Variants in WASF2 observed in about 807,000 individuals in gnomAD.
WASF2 encodes WASP family member 2.
Under a neutral mutation model 45.0 loss-of-function variants are expected in WASF2, and 14 were observed. The ratio of observed to expected loss-of-function variants is 0.31; its 90% confidence interval spans 0.21 to 0.49. The LOEUF (loss-of-function observed/expected upper bound fraction) is 0.49. Ranked by LOEUF, WASF2 falls within the 20% of genes least tolerant of loss-of-function variation. WASF2 has a pLI of 0.99. For synonymous variants in WASF2, 200 were observed against 236.3 expected (o/e 0.85, Z 1.41); for missense variants, 439 against 636.1 (o/e 0.69, Z 3.33).
At position 27,410,294 on chromosome 1, in the gene WASF2, A is replaced by C; in HGVS notation, c.825-88T>G. ...TAGCCTTGTCTACAGACCGAGGTTT[A>C]TCTTGGTTGACTATACCATTTCACT... On this transcript the variant is annotated intron_variant, in intron 7 of 8. Coordinates refer to ENST00000618852, the MANE Select transcript of WASF2 (RefSeq NM_006990.5). This position sits in a 1 kb window ranked among gnomAD's most constrained non-coding sequence, Gnocchi z 4.2. The C allele has an allele frequency of 7.8e-6, 12 of 1,547,830 alleles. No individual in the cohort carries two copies. Among genetic ancestry groups the C allele is most frequent in the Non-Finnish European group, 1.1e-5 (12 of 1,140,636 alleles).
chr1:27,454,058 T>A (rs975554325), intron 1 of WASF2, among the ~76,000 whole-genome samples: 1 of 150,626 alleles, frequency 6.6e-6, no homozygotes, highest in African/African-American at 2.4e-5. Flanking sequence ...TTATATTGTT[T>A]AGTGTCACAT....
At chr1:27,461,387 T>TG (rs1274387753) in intron 1 of WASF2, among the ~76,000 whole-genome samples, 1 of 150,994 alleles carries the variant, frequency 6.6e-6, no homozygotes, top group African/African-American at 2.4e-5. Context: ...TCGCCCAGGC[T>TG]GGAGTGCAGT....
intron 1 of WASF2, among the ~76,000 whole-genome samples, chr1:27,487,506 A>G (rs1241198031): frequency 3.5e-5 from 4 of 114,408 alleles, no homozygotes; most frequent in Admixed American, 1.3e-4. Context: ...ATATTATAAT[A>G]TATGTTATAT....
intron 4 of WASF2, among the ~76,000 whole-genome samples, 186 bp from the exon 5 acceptor site, chr1:27,416,288 C>T (rs886536443): frequency 6.6e-5 from 10 of 152,206 alleles, no homozygotes; most frequent in African/African-American, 2.2e-4. Flanking sequence ...CTCTACTTAT[C>T]AGACTTTTTA....
intron 1 of WASF2, among the ~76,000 whole-genome samples, chr1:27,482,459 T>C (rs1007743310): frequency 2.0e-5 from 3 of 152,230 alleles, no homozygotes; most frequent in Non-Finnish European, 4.4e-5. Context: ...TGGCAAGTTC[T>C]TTATATAAGC....
At chr1:27,470,539 G>A (rs969267237) in intron 1 of WASF2, among the ~76,000 whole-genome samples, 2 of 151,994 alleles carry the variant, frequency 1.3e-5, no homozygotes, top group Non-Finnish European at 2.9e-5. Flanking sequence ...GAATGGTGGG[G>A]CCAATGTTTA....
intron 1 of WASF2, among the ~76,000 whole-genome samples, chr1:27,450,444 T>C (rs2017369197): frequency 6.6e-6 from 1 of 152,122 alleles, no homozygotes; most frequent in African/African-American, 2.4e-5. Flanking sequence ...CTCAATACTT[T>C]TGTCCCACCC....
chr1:27,424,074 G>A (rs1330917276), intron 2 of WASF2, among the ~76,000 whole-genome samples: 3 of 152,206 alleles, frequency 2.0e-5, no homozygotes, highest in Non-Finnish European at 2.9e-5. Flanking sequence ...GAAAAAATAA[G>A]AATTCTGGAT....
intron 1 of WASF2, among the ~76,000 whole-genome samples, chr1:27,475,844 T>C (rs1443808260): frequency 6.6e-6 from 1 of 152,154 alleles, no homozygotes; most frequent in Non-Finnish European, 1.5e-5. Flanking sequence ...CCCAGGCTGG[T>C]CTCAAACTCC....
intron 2 of WASF2, among the ~76,000 whole-genome samples, chr1:27,427,096 C>A (rs895821597): frequency 7.9e-5 from 12 of 152,234 alleles, no homozygotes; most frequent in Non-Finnish European, 1.8e-4. Flanking sequence ...TATTGAGTAT[C>A]CCCTCAGCAG....
At chr1:27,411,509 A>T (rs910271651) in intron 7 of WASF2, among the ~76,000 whole-genome samples, 3 of 152,244 alleles carry the variant, frequency 2.0e-5, no homozygotes, top group Admixed American at 2.0e-4. Flanking sequence ...CAACTGGGCA[A>T]GGTAACTGCT....
At chr1:27,444,054 C>T (rs754152695) in intron 1 of WASF2, among the ~76,000 whole-genome samples, 2 of 152,166 alleles carry the variant, frequency 1.3e-5, no homozygotes, top group Non-Finnish European at 2.9e-5. Context: ...CCTGGGATTA[C>T]AGGCATGAGC....
intron 1 of WASF2, among the ~76,000 whole-genome samples, chr1:27,454,181 ATATATATTTTTTT>A (rs1232684249): frequency 0.033 from 317 of 9,720 alleles, 1 homozygote; most frequent in African/African-American, 0.068. Context: ...ATATATATAT[ATATATATTTTTTT>A]TTTTTTTTTT....
chr1:27,488,794 G>GACTT (rs1170328371), intron 1 of WASF2, among the ~76,000 whole-genome samples: 4 of 152,286 alleles, frequency 2.6e-5, no homozygotes, highest in Admixed American at 2.6e-4. Flanking sequence ...AGTGGGCAGT[G>GACTT]ACTTCCCCCT....
intron 2 of WASF2, among the ~76,000 whole-genome samples, chr1:27,423,958 AT>A (rs1313945223): frequency 1.3e-5 from 2 of 151,940 alleles, no homozygotes; most frequent in Non-Finnish European, 2.9e-5. Context: ...TGGGGGTTCC[AT>A]TCTCCCGAGT....
At position 27,408,237 on chromosome 1, in the gene WASF2, G is replaced by C; in HGVS notation, c.1449C>G (p.Asp483Glu). The change falls in exon 9 of 9, where the codon GAC becomes GAG. Residue 483 changes from aspartate to glutamate, a missense_variant. By Grantham distance (45) the Asp-to-Glu change is conservative. Transcript: ENST00000618852. Reference protein sequence around the residue: ...LSRRIAVEYSDSEDDSSEFDE... With the variant: ...LSRRIAVEYSESEDDSSEFDE... ...CAAATTCAGAGGAGTCATCTTCTGA[G>C]TCACTGTACTCAACAGCAATGCGAC... The C allele has an allele frequency of 6.2e-7, 1 of 1,614,234 alleles. No homozygotes were observed.
rs1442612491 is a variant in WASF2, at chr1:27,414,512, C to T, written c.668+321G>A. Among the ~76,000 whole-genome samples, 1 of 152,110 alleles carries T rather than the reference C, an allele frequency of 6.6e-6. No individual in the cohort carries two copies. The highest frequency in any genetic ancestry group is 6.6e-5 in the Admixed American group (1 of 15,252). ...TCAATGCTCTGGAGGCAAAGGATTCCCAAGACCACTTTTCTTCCCTTTCCA... is the reference window on the plus strand; with the variant it reads ...TCAATGCTCTGGAGGCAAAGGATTCTCAAGACCACTTTTCTTCCCTTTCCA... On this transcript the variant is annotated intron_variant, in intron 6 of 8. Transcript: ENST00000618852. This position sits in a 1 kb window ranked among gnomAD's most constrained non-coding sequence, Gnocchi z 4.1.
At chr1:27,480,301 G>C (rs2017828111) in intron 1 of WASF2, among the ~76,000 whole-genome samples, 1 of 152,038 alleles carries the variant, frequency 6.6e-6, no homozygotes, top group African/African-American at 2.4e-5. Flanking sequence ...CAGATCACTT[G>C]AGGTCAGGAG....
intron 2 of WASF2, among the ~76,000 whole-genome samples, chr1:27,423,939 T>C (rs551785516): frequency 5.9e-5 from 9 of 152,292 alleles, no homozygotes; most frequent in Admixed American, 5.9e-4. Flanking sequence ...GATTTTTTAA[T>C]GACCCAAGTG....
Sources: gnomAD v4.1 joint callset for allele counts (sites outside exome capture counted in the v4.1 genomes callset) on GRCh38, gnomAD v4.1.1 for gene constraint, Gnocchi (gnomAD v3.1) non-coding constraint, MANE v1.5 for transcripts, NCBI Gene and HGNC (gene_info 2026-07-23, HGNC 2026-07-21) for gene names.